GATAD2A: variants seen among roughly 807,000 people sequenced by gnomAD.
GATAD2A encodes the protein GATA zinc finger domain containing 2A.
Under a neutral mutation model 68.5 loss-of-function variants are expected in GATAD2A, and 12 were observed. The observed-to-expected ratio is 0.18, with a 90% confidence interval of 0.11 to 0.28. The LOEUF is 0.28. Ranked by LOEUF, GATAD2A falls within the 10% of genes least tolerant of loss-of-function variation. The pLI is 1.00. For synonymous variants in GATAD2A, 410 were observed against 375.3 expected (o/e 1.09, Z -1.07); for missense variants, 755 against 868.5 (o/e 0.87, Z 1.64).
At chr19:19,478,886 A>G (rs1307253388) in intron 2 of GATAD2A, among the ~76,000 whole-genome samples, 1 of 152,182 alleles carries the variant, frequency 6.6e-6, no homozygotes, top group Non-Finnish European at 1.5e-5. Flanking sequence ...ACATATTAGC[A>G]TAAATAACTT....
chr19:19,431,224 C>T (rs1021167240), intron 1 of GATAD2A, among the ~76,000 whole-genome samples: 2 of 151,192 alleles, frequency 1.3e-5, no homozygotes, highest in African/African-American at 2.4e-5. Flanking sequence ...TAGTGGAAAG[C>T]GATTACAGTG....
At chr19:19,428,301 T>C (rs999256353) in intron 1 of GATAD2A, among the ~76,000 whole-genome samples, 1 of 152,258 alleles carries the variant, frequency 6.6e-6, no homozygotes, top group African/African-American at 2.4e-5. Context: ...GACTGCTGCA[T>C]GCACTGCCCA....
At chr19:19,417,856 C>A (rs1382786391) in intron 1 of GATAD2A, among the ~76,000 whole-genome samples, 1 of 152,178 alleles carries the variant, frequency 6.6e-6, no homozygotes, top group Non-Finnish European at 1.5e-5. Context: ...GAGGACAGTT[C>A]ATCTGTTTGA....
intron 1 of GATAD2A, among the ~76,000 whole-genome samples, chr19:19,457,496 T>C (rs891424493): frequency 6.6e-6 from 1 of 152,060 alleles, no homozygotes; most frequent in Non-Finnish European, 1.5e-5. Flanking sequence ...ATCCTAGCAC[T>C]TTGGGAGGCC....
At chr19:19,501,920 G>A (rs1268570404) in intron 9 of GATAD2A, 49 bp from the exon 10 acceptor site, 2 of 1,464,944 alleles carry the variant, frequency 1.4e-6, no homozygotes, top group South Asian at 2.3e-5. Context: ...GTCACCCTGG[G>A]CCGGCCAGCG....
chr19:19,444,608 G>A (rs983764079), intron 1 of GATAD2A, among the ~76,000 whole-genome samples: 2 of 152,150 alleles, frequency 1.3e-5, no homozygotes, highest in African/African-American at 2.4e-5. Context: ...CGTGTATGAT[G>A]CCTGTTGGTC....
chr19:19,497,362 C>CT (rs1489264783), intron 7 of GATAD2A, among the ~76,000 whole-genome samples: 11 of 152,370 alleles, frequency 7.2e-5, no homozygotes, highest in African/African-American at 2.6e-4. Context: ...TCCCAAAGTG[C>CT]TGGGATTACA....
intron 7 of GATAD2A, 33 bp from the exon 8 acceptor site, chr19:19,498,410 G>T: frequency 6.3e-7 from 1 of 1,582,380 alleles, no homozygotes. Context: ...GCAGGCGCAC[G>T]GAGCGCCCTG....
intron 1 of GATAD2A, among the ~76,000 whole-genome samples, chr19:19,399,802 T>A (rs2049569988): frequency 6.6e-6 from 1 of 152,126 alleles, no homozygotes; most frequent in Non-Finnish European, 1.5e-5. Flanking sequence ...TTGGGAGGAA[T>A]GTTTTCCTAA....
chr19:19,434,986 T>G, intron 1 of GATAD2A: 1 of 405,622 alleles, frequency 2.5e-6, no homozygotes, highest in South Asian at 1.8e-5. Flanking sequence ...CTGGTTTCCC[T>G]GGGGTCCATG....
chr19:19,401,509 G>A (rs564804934), upstream of GATAD2A, among the ~76,000 whole-genome samples: 1 of 152,060 alleles, frequency 6.6e-6, no homozygotes, highest in East Asian at 1.9e-4. Flanking sequence ...CACTGCGCCC[G>A]GCTGATTCTT....
intron 2 of GATAD2A, among the ~76,000 whole-genome samples, chr19:19,477,019 A>G (rs2058719159): frequency 2.0e-5 from 3 of 152,170 alleles, no homozygotes; most frequent in Admixed American, 2.0e-4. Context: ...GGCCTGGGAT[A>G]GTCTGCCCCC....
chr19:19,490,182 T>C (rs1162341064), intron 2 of GATAD2A, among the ~76,000 whole-genome samples: 1 of 152,140 alleles, frequency 6.6e-6, no homozygotes, highest in African/African-American at 2.4e-5. Context: ...GGTGAGAAGC[T>C]GCTTCATCAG....
chr19:19,412,260 A>G (rs1381940928), intron 1 of GATAD2A, among the ~76,000 whole-genome samples: 19 of 151,308 alleles, frequency 1.3e-4, no homozygotes, highest in Admixed American at 1.3e-3. Flanking sequence ...GGTTCATGCC[A>G]TTCTCCTGCC....
intron 1 of GATAD2A, among the ~76,000 whole-genome samples, chr19:19,461,731 AC>A: frequency 6.6e-6 from 1 of 152,282 alleles, no homozygotes; most frequent in South Asian, 2.1e-4. Context: ...ACCGATGCCC[AC>A]TCAGCCTTGC....
intron 1 of GATAD2A, chr19:19,441,671 C>A: frequency 5.6e-6 from 1 of 178,130 alleles, no homozygotes; most frequent in Non-Finnish European, 1.2e-5. Context: ...ATGCCATTCT[C>A]CTGCCTCAGC....
chr19:19,477,893 CTG>C (rs2058781258), intron 2 of GATAD2A, among the ~76,000 whole-genome samples: 1 of 152,180 alleles, frequency 6.6e-6, no homozygotes, highest in South Asian at 2.1e-4. Context: ...AGCCATGTTC[CTG>C]TGTTTGATCC....
intron 2 of GATAD2A, 59 bp from the exon 3 acceptor site, chr19:19,492,247 G>T: frequency 6.5e-7 from 1 of 1,535,244 alleles, no homozygotes; most frequent in South Asian, 1.2e-5. Context: ...TGTCCACAGG[G>T]GTGGGCACTG....
chr19:19,395,177 G>A (rs964684497), intron 1 of GATAD2A, among the ~76,000 whole-genome samples: 7 of 152,210 alleles, frequency 4.6e-5, no homozygotes, highest in Non-Finnish European at 8.8e-5. Context: ...GTTCAAGGCC[G>A]GGCGCGGTGG....
Sources: gnomAD v4.1 joint callset for allele counts (sites outside exome capture counted in the v4.1 genomes callset) on GRCh38, gnomAD v4.1.1 for gene constraint, MANE v1.5 for transcripts, NCBI Gene and HGNC (gene_info 2026-07-23, HGNC 2026-07-21) for gene names.